The following FSTL5 variants were observed in gnomAD, a reference collection of about 807,000 sequenced individuals.
The protein encoded by FSTL5 is follistatin-related protein 5.
A neutral mutation model predicts 89.1 loss-of-function variants in FSTL5; 62 were observed. That is an observed-to-expected ratio of 0.70 (90% CI 0.57 to 0.86). The LOEUF (loss-of-function observed/expected upper bound fraction) is 0.86, where lower values mean the gene tolerates loss of function less well. Among genes scored for constraint, FSTL5 ranks in the 40% least tolerant of loss-of-function variants. The probability of loss-of-function intolerance (pLI) is 0.00; values close to 1 mark genes in which losing one functional copy is unlikely to be tolerated. For missense variants in FSTL5, 1,057 were observed against 1,001.6 expected (o/e 1.06, Z -0.75); for synonymous variants, 383 against 346.2 (o/e 1.11, Z -1.18).
At chr4:162,146,559 C>G (rs1489283596) in intron 1 of FSTL5, among the ~76,000 whole-genome samples, 1 of 152,092 alleles carries the variant, frequency 6.6e-6, no homozygotes, top group Non-Finnish European at 1.5e-5. Context: ...GTTAACATCT[C>G]ATGTTAGTAT....
At chr4:161,972,972 T>G (rs1413887552) in intron 3 of FSTL5, among the ~76,000 whole-genome samples, 2 of 152,224 alleles carry the variant, frequency 1.3e-5, no homozygotes, top group Non-Finnish European at 2.9e-5. Flanking sequence ...ATACACTGCT[T>G]AAAATATTTC....
At chr4:161,457,412 A>T (rs919210715) in intron 14 of FSTL5, among the ~76,000 whole-genome samples, 11 of 152,178 alleles carry the variant, frequency 7.2e-5, no homozygotes, top group Admixed American at 1.3e-4. Context: ...TTAGGCATCC[A>T]GAGAAAAATA....
At chr4:162,047,368 T>C (rs1484414308) in intron 2 of FSTL5, 1 of 152,094 alleles carries the variant, frequency 6.6e-6, no homozygotes, top group Non-Finnish European at 1.5e-5. Context: ...ATTATCTCTT[T>C]TAAGGTGCCC....
intron 7 of FSTL5, among the ~76,000 whole-genome samples, chr4:161,621,504 A>G (rs765978112): frequency 1.3e-5 from 2 of 152,210 alleles, no homozygotes; most frequent in Non-Finnish European, 2.9e-5. Flanking sequence ...AAGTTTTAGA[A>G]CAAACCAGCA....
chr4:161,601,943 G>T (rs192417236), intron 7 of FSTL5, among the ~76,000 whole-genome samples: 2 of 151,700 alleles, frequency 1.3e-5, no homozygotes, highest in East Asian at 1.9e-4. Flanking sequence ...AAAATAGAAA[G>T]AAAAAATAAT....
At chr4:161,511,774 TA>T (rs1372402585) in intron 10 of FSTL5, among the ~76,000 whole-genome samples, 1 of 151,896 alleles carries the variant, frequency 6.6e-6, no homozygotes, top group Non-Finnish European at 1.5e-5. Context: ...AAACATGTAA[TA>T]AATGAAAGGG....
At chr4:161,664,652 C>G (rs554058232) in intron 6 of FSTL5, among the ~76,000 whole-genome samples, 2 of 152,256 alleles carry the variant, frequency 1.3e-5, no homozygotes, top group African/African-American at 2.4e-5. Flanking sequence ...CCAAACTGTT[C>G]TAAACTCTGC....
intron 1 of FSTL5, among the ~76,000 whole-genome samples, chr4:162,153,687 A>AC (rs1733330864): frequency 1.6e-5 from 2 of 128,654 alleles, no homozygotes; most frequent in Admixed American, 1.6e-4. Context: ...ATATGTATAT[A>AC]ATAATATATA....
chr4:161,522,774 A>G (rs1179948657), intron 10 of FSTL5, among the ~76,000 whole-genome samples: 1 of 151,736 alleles, frequency 6.6e-6, no homozygotes, highest in Non-Finnish European at 1.5e-5. Context: ...CAAATAGTCG[A>G]TTGCCATACT....
intron 7 of FSTL5, among the ~76,000 whole-genome samples, chr4:161,608,597 C>A (rs539838200): frequency 6.6e-6 from 1 of 151,186 alleles, no homozygotes; most frequent in African/African-American, 2.4e-5. Flanking sequence ...TTACAAAAAA[C>A]GATAAAGAAA....
In FSTL5 at chr4:161,384,039, T is replaced by C. The variant is rs892246853; in HGVS notation, c.*1708A>G. On this transcript the variant is annotated 3_prime_UTR_variant, in exon 16 of 16. Coordinates refer to ENST00000306100, the MANE Select transcript of FSTL5 (RefSeq NM_020116.5). ...CACAGACACTTTATATGGTTCATGT[T>C]CACAAGGAAGAAAATTGCTAAAAAG... 6.6e-6 allele frequency: 1 copy of C among 152,186 alleles called. No individual in the cohort carries two copies. The highest frequency in any genetic ancestry group is 1.5e-5 in the Non-Finnish European group (1 of 68,024). 9.4% of individuals were successfully genotyped at this position (152,186 alleles called of 1,614,324 possible).
chr4:162,121,525 A>T (rs1458817665), intron 1 of FSTL5, among the ~76,000 whole-genome samples: 1 of 152,050 alleles, frequency 6.6e-6, no homozygotes, highest in Non-Finnish European at 1.5e-5. Flanking sequence ...GGGATTATGT[A>T]TGTTGGTATA....
At chr4:161,842,729 T>C (rs990626865) in intron 4 of FSTL5, among the ~76,000 whole-genome samples, 6 of 152,122 alleles carry the variant, frequency 3.9e-5, no homozygotes, top group Non-Finnish European at 7.4e-5. Context: ...TTATATCATA[T>C]TTCTGTAAGC....
At chr4:162,047,190 C>G (rs1444681350) in intron 2 of FSTL5, among the ~76,000 whole-genome samples, 2 of 152,002 alleles carry the variant, frequency 1.3e-5, no homozygotes, top group Non-Finnish European at 2.9e-5. Context: ...AGTCTCAGTA[C>G]AGACACACAA....
intron 4 of FSTL5, among the ~76,000 whole-genome samples, chr4:161,854,884 G>T (rs1360973670): frequency 6.6e-6 from 1 of 151,470 alleles, no homozygotes; most frequent in Non-Finnish European, 1.5e-5. Flanking sequence ...TTTTAATAAT[G>T]TTAAAAAAAT....
intron 7 of FSTL5, among the ~76,000 whole-genome samples, chr4:161,637,547 C>G (rs371155157): frequency 3.2e-4 from 48 of 150,898 alleles, no homozygotes; most frequent in South Asian, 1.1e-3. Flanking sequence ...CCATGCCTAT[C>G]TCCTGAATGG....
chr4:161,598,850 A>G (rs754119959), intron 7 of FSTL5, among the ~76,000 whole-genome samples: 2 of 152,180 alleles, frequency 1.3e-5, no homozygotes, highest in Non-Finnish European at 2.9e-5. Flanking sequence ...GAAACAGTAC[A>G]TATATGTAAA....
intron 15 of FSTL5, among the ~76,000 whole-genome samples, chr4:161,442,396 A>G (rs912001828): frequency 2.6e-5 from 4 of 152,086 alleles, no homozygotes; most frequent in Admixed American, 6.6e-5. Flanking sequence ...TAAAAGTGCA[A>G]TCTTAGTTTA....
intron 7 of FSTL5, among the ~76,000 whole-genome samples, chr4:161,647,039 C>G (rs919041718): frequency 5.3e-5 from 8 of 152,032 alleles, no homozygotes; most frequent in Non-Finnish European, 8.8e-5. Flanking sequence ...TTTTTGTTGC[C>G]TGTGCTTTTG....
Sources: gnomAD v4.1 joint callset for allele counts (sites outside exome capture counted in the v4.1 genomes callset) on GRCh38, gnomAD v4.1.1 for gene constraint, MANE v1.5 for transcripts, NCBI Gene and HGNC (gene_info 2026-07-23, HGNC 2026-07-21) for gene names.